Variants in SKP2 observed in about 807,000 individuals in gnomAD.
SKP2 encodes the protein S-phase kinase associated protein 2, also known as S-phase kinase-associated protein 2.
A neutral mutation model predicts 51.8 loss-of-function variants in SKP2; 16 were observed. That is an observed-to-expected ratio of 0.31 (90% CI 0.21 to 0.47). The LOEUF (loss-of-function observed/expected upper bound fraction) is 0.47, where lower values mean the gene tolerates loss of function less well. Ranked by LOEUF, SKP2 falls within the 20% of genes least tolerant of loss-of-function variation. The pLI, the probability that SKP2 is intolerant of heterozygous loss-of-function variation, is 1.00. For synonymous variants in SKP2, 176 were observed against 198.6 expected, an observed-to-expected ratio of 0.89 and a Z score of 0.96; for missense variants, 377 against 505.3, an observed-to-expected ratio of 0.75 and a Z score of 2.43.
intron 7 of SKP2, 54 bp downstream of exon 7, chr5:36,171,787 T>G: frequency 9.8e-5 from 142 of 1,444,596 alleles, no homozygotes; most frequent in Non-Finnish European, 1.3e-4. Context: ...ATAGATGAGA[T>G]TCATTGAGCT....
chr5:36,185,881 A>G (rs1745950417), downstream of SKP2, among the ~76,000 whole-genome samples: 1 of 152,202 alleles, frequency 6.6e-6, no homozygotes, highest in South Asian at 2.1e-4. Context: ...CTTCCTATCC[A>G]TGAGCATGGA....
intron 2 of SKP2, among the ~76,000 whole-genome samples, chr5:36,154,701 T>C (rs1744886861): frequency 6.6e-6 from 1 of 152,154 alleles, no homozygotes; most frequent in South Asian, 2.1e-4. Context: ...GCAATTTTTT[T>C]ATTTTTTGTA....
intron 7 of SKP2, 98 bp downstream of exon 7, chr5:36,171,831 T>G (rs7715070): frequency 0.092 from 112,470 of 1,220,382 alleles, 15,401 homozygotes; most frequent in African/African-American, 0.6. Context: ...AGTTTTCTCA[T>G]TTAATCCAGT....
intron 3 of SKP2, among the ~76,000 whole-genome samples, chr5:36,164,130 G>A (rs1359857293): frequency 6.6e-6 from 1 of 152,170 alleles, no homozygotes; most frequent in African/African-American, 2.4e-5. Flanking sequence ...CACAGGCTTG[G>A]TGTTAGACCC....
chr5:36,164,607 A>G (rs895273004), intron 3 of SKP2, among the ~76,000 whole-genome samples: 5 of 152,174 alleles, frequency 3.3e-5, no homozygotes, highest in African/African-American at 1.2e-4. Context: ...CTTGCCTTCA[A>G]GGGCGTGCTG....
At chr5:36,175,572 C>T (rs1334767574) in intron 7 of SKP2, among the ~76,000 whole-genome samples, 1 of 151,884 alleles carries the variant, frequency 6.6e-6, no homozygotes, top group Non-Finnish European at 1.5e-5. Context: ...TCCAAACACC[C>T]TTGAATACTG....
intron 4 of SKP2, among the ~76,000 whole-genome samples, chr5:36,167,840 G>A (rs6451259): frequency 0.02 from 3,088 of 152,176 alleles, 106 homozygotes; most frequent in African/African-American, 0.071. Context: ...GGCTGGTCTT[G>A]ATATCCTGAC....
chr5:36,152,141 G>C lies in SKP2; in HGVS notation c.-122G>C. On this transcript the variant is annotated 5_prime_UTR_variant, in exon 1 of 10. Coordinates refer to ENST00000274255, the MANE Select transcript of SKP2 (RefSeq NM_005983.4). ...GGATGGAACGTTGCTAGGCTTAGCG[G>C]GTCTGGCTGCTGGGGGCCCGAGCAG... 1 of 992,026 alleles carries C rather than the reference G, an allele frequency of 1.0e-6. No homozygotes were observed. Among genetic ancestry groups the C allele is most frequent in the Non-Finnish European group, 1.6e-6 (1 of 621,220 alleles). 61.5% of individuals were successfully genotyped at this position (992,026 alleles called of 1,614,324 possible). A position where few individuals can be genotyped will look rare whatever the true frequency, so the allele number is the denominator to read the frequency against.
chr5:36,167,820 ATGCTGGCCAGGCTGGTCT>A (rs1377272038), intron 4 of SKP2, among the ~76,000 whole-genome samples: 1 of 152,110 alleles, frequency 6.6e-6, no homozygotes, highest in Non-Finnish European at 1.5e-5. Context: ...GGGTTTCACC[ATGCTGGCCAGGCTGGTCT>A]TGATATCCTG....
At chr5:36,177,124 G>C in intron 8 of SKP2, 61 bp from the exon 9 acceptor site, 1 of 1,327,254 alleles carries the variant, frequency 7.5e-7, no homozygotes, top group Non-Finnish European at 1.1e-6. Flanking sequence ...GGTTATTTCT[G>C]TCTTCTTTAT....
chr5:36,192,287 T>A (rs1746046745), intron 6 of SKP2, among the ~76,000 whole-genome samples: 1 of 152,186 alleles, frequency 6.6e-6, no homozygotes, highest in African/African-American at 2.4e-5. Flanking sequence ...GACAACTCAT[T>A]AGTACATTTA....
chr5:36,171,400 G>A (rs1013789407), intron 6 of SKP2, among the ~76,000 whole-genome samples: 2 of 152,092 alleles, frequency 1.3e-5, no homozygotes, highest in African/African-American at 4.8e-5. Context: ...CATTCACTAA[G>A]GCCCTTCTGA....
rs1213673147 is a variant in SKP2 at position 36,152,285 on chromosome 5, A to T, written c.8+15A>T. On this transcript the variant is annotated intron_variant, in intron 1 of 9. Coordinates refer to ENST00000274255, the MANE Select transcript of SKP2 (RefSeq NM_005983.4). ...GCTATGCACAGGTAAACGGATTGCA[A>T]AAAGGGGAAGAGCATGAAATGGACC... The T allele has an allele frequency of 6.2e-7, 1 of 1,612,718 alleles. No homozygotes were observed. The highest frequency in any genetic ancestry group is 1.7e-5 in the Admixed American group (1 of 60,026).
At chr5:36,160,847 A>T (rs1579553855) in intron 2 of SKP2, among the ~76,000 whole-genome samples, 2 of 151,892 alleles carry the variant, frequency 1.3e-5, no homozygotes, top group East Asian at 3.9e-4. Context: ...CCTCCTCACA[A>T]CCTCCAGCTG....
At chr5:36,189,652 G>A (rs1242026892) in intron 6 of SKP2, among the ~76,000 whole-genome samples, 6 of 152,210 alleles carry the variant, frequency 3.9e-5, no homozygotes, top group Admixed American at 3.9e-4. Flanking sequence ...CTCCCAGTTA[G>A]GCTGCTCGGG....
At chr5:36,167,510 T>C (rs1328741045) in intron 4 of SKP2, among the ~76,000 whole-genome samples, 1 of 152,210 alleles carries the variant, frequency 6.6e-6, no homozygotes, top group Non-Finnish European at 1.5e-5. Flanking sequence ...ATCTATAGCT[T>C]GGCCCTCCCT....
chr5:36,153,215 TATATATATA>T (rs1744811309), intron 2 of SKP2, among the ~76,000 whole-genome samples, 173 bp downstream of exon 2: 1 of 2,730 alleles, frequency 3.7e-4, no homozygotes, highest in Non-Finnish European at 6.3e-3. Context: ...TCTTGGTAGA[TATATATATA>T]TATATATATA....
At position 36,152,206 on chromosome 5, in the gene SKP2, A is replaced by C. The variant is rs1744750012; in HGVS notation, c.-57A>C. ...CCGCGCGCCAAAGCGGGAATCTGGG[A>C]GGCGAGCAGCTCTGCAGTTAATGCA... On this transcript the variant is annotated 5_prime_UTR_variant, in exon 1 of 10. Transcript: ENST00000274255. The C allele has an allele frequency of 6.2e-7, 1 of 1,602,050 alleles. No homozygotes were observed. The highest frequency in any genetic ancestry group is 1.7e-5 in the Admixed American group (1 of 60,000).
downstream of SKP2, among the ~76,000 whole-genome samples, chr5:36,185,635 A>G (rs550945285): frequency 3.3e-5 from 5 of 152,326 alleles, no homozygotes; most frequent in Non-Finnish European, 4.4e-5. Flanking sequence ...TACCAGTACC[A>G]TGCTGTTTTG....
Sources: gnomAD v4.1 joint callset for allele counts (sites outside exome capture counted in the v4.1 genomes callset) on GRCh38, gnomAD v4.1.1 for gene constraint, MANE v1.5 for transcripts, NCBI Gene and HGNC (gene_info 2026-07-23, HGNC 2026-07-21) for gene names.